ERLEC1: variants seen among roughly 807,000 people sequenced by gnomAD.
ERLEC1 encodes endoplasmic reticulum lectin 1.
In ERLEC1, 47 loss-of-function variants were observed where a neutral mutation model predicts 68.0. That is an observed-to-expected ratio of 0.69 (90% CI 0.55 to 0.88). The LOEUF (loss-of-function observed/expected upper bound fraction) is 0.88, where lower values mean the gene tolerates loss of function less well. Ranked by LOEUF, ERLEC1 falls within the 40% of genes least tolerant of loss-of-function variation. The pLI, the probability that ERLEC1 is intolerant of heterozygous loss-of-function variation, is 0.00. For missense variants in ERLEC1, 567 were observed against 583.8 expected, an observed-to-expected ratio of 0.97 and a Z score of 0.30; for synonymous variants, 225 against 203.2, an observed-to-expected ratio of 1.11 and a Z score of -0.91.
At position 53,817,997 on chromosome 2, in the gene ERLEC1, G is replaced by C; in HGVS notation, c.*28G>C. The stretch of plus-strand genomic sequence containing the variant: ...GATATTAAAGTTAGGGGAAAGAAAA[G>C]ATCATTGAAAGTCATGATAATTTCT... On this transcript the variant is annotated 3_prime_UTR_variant, in exon 14 of 14. Coordinates refer to ENST00000185150, the MANE Select transcript of ERLEC1 (RefSeq NM_015701.5). 7.5e-7 allele frequency: 1 copy of C among 1,336,148 alleles called. No individual in the cohort carries two copies. Among genetic ancestry groups the C allele is most frequent in the Non-Finnish European group, 1.1e-6 (1 of 927,326 alleles). The allele number at this position is 1,336,148 out of a possible 1,614,324, so 82.8% of individuals were successfully genotyped here.
intron 5 of ERLEC1, among the ~76,000 whole-genome samples, chr2:53,798,813 T>A (rs902871976): frequency 1.3e-5 from 2 of 152,054 alleles, no homozygotes; most frequent in Admixed American, 6.6e-5. Context: ...AAGAAAATTG[T>A]TGTGGCCAGT....
At position 53,801,630 on chromosome 2, in the gene ERLEC1, G is replaced by A. The variant is rs1284155632; in HGVS notation, c.749+10G>A. 5 of 1,612,098 alleles carry A rather than the reference G, an allele frequency of 3.1e-6. No individual in the cohort carries two copies. In the Admixed American group the frequency reaches 6.7e-5, roughly 22 times the overall value. The stretch of plus-strand genomic sequence containing the variant: ...GTCATCCTAAATATAGGTAGGATGT[G>A]CATTTAATATTTTAAACATAAAATG... On this transcript the variant is annotated intron_variant, in intron 7 of 13. Transcript: ENST00000185150.
intron 1 of ERLEC1, among the ~76,000 whole-genome samples, chr2:53,789,668 T>C (rs1238722141): frequency 6.6e-6 from 1 of 152,080 alleles, no homozygotes; most frequent in African/African-American, 2.4e-5. Flanking sequence ...GTCATTATCA[T>C]TGGTCTTTTG....
At position 53,787,218 on chromosome 2, in the gene ERLEC1, A is replaced by AAGG. The variant is rs1175701619; in HGVS notation, c.12_14dup (p.Gly7dup). 1 of 1,589,626 alleles carries AAGG rather than the reference A, an allele frequency of 6.3e-7. No individual in the cohort carries two copies. The highest frequency in any genetic ancestry group is 1.7e-5 in the Admixed American group (1 of 59,380). Reference sequence around the variant, plus strand: ...AGAAAGCGGCGGCGGAGGATGGAGGAAGGAGGCGGCGGCGTACGGAGTCTG... The same window carrying AAGG: ...AGAAAGCGGCGGCGGAGGATGGAGGAAGGAGGAGGCGGCGGCGTACGGAGTCTG... On this transcript the variant is annotated inframe_insertion, in exon 1 of 14. Coordinates refer to ENST00000185150, the MANE Select transcript of ERLEC1 (RefSeq NM_015701.5).
At position 53,787,164 on chromosome 2, in the gene ERLEC1, G is replaced by A. The variant is rs1251553102; in HGVS notation, c.-47G>A. 2.0e-6 allele frequency: 3 copies of A among 1,526,756 alleles called. No homozygotes were observed. The highest frequency in any genetic ancestry group is 2.6e-6 in the Non-Finnish European group (3 of 1,137,510). 94.6% of individuals were successfully genotyped at this position (1,526,756 alleles called of 1,614,324 possible). On this transcript the variant is annotated 5_prime_UTR_variant, in exon 1 of 14. Coordinates refer to ENST00000185150, the MANE Select transcript of ERLEC1 (RefSeq NM_015701.5). ...CTCCTCCTCCTCCTCCTCTCCTCCT[G>A]GAGCAGAGGAGGTTGTGGCGGTGGC... is the stretch of plus-strand genomic sequence containing the variant.
rs138286012 is a variant in ERLEC1 at position 53,789,060 on chromosome 2, G to C, written c.162+1688G>C. ...CCATTTTCTTTCAGTCTTAGCATTT[G>C]CTACACCAACTTTTCACGTATCTAA... On this transcript the variant is annotated intron_variant, in intron 1 of 13. Transcript: ENST00000185150. 7.2e-5 allele frequency among the ~76,000 whole-genome samples: 11 copies of C among 152,044 alleles called. 1 individual carries two copies. Among genetic ancestry groups the C allele is most frequent in the African/African-American group, 2.4e-4 (10 of 41,442 alleles).
chr2:53,816,035 G>T (rs1448468868), intron 13 of ERLEC1, among the ~76,000 whole-genome samples: 1 of 151,304 alleles, frequency 6.6e-6, no homozygotes, highest in African/African-American at 2.4e-5. Context: ...TCACCATATT[G>T]GCCATGCTGG....
Position 53,797,799 on chromosome 2 carries a change from G to C in ERLEC1, c.490+4G>C. 2 of 1,609,302 alleles carry C rather than the reference G, an allele frequency of 1.2e-6. No homozygotes were observed. Among genetic ancestry groups the C allele is most frequent in the Non-Finnish European group, 1.7e-6 (2 of 1,176,696 alleles). On this transcript the variant is annotated splice_donor_region_variant and intron_variant, in intron 5 of 13. Coordinates refer to ENST00000185150, the MANE Select transcript of ERLEC1 (RefSeq NM_015701.5). ...AAGAACCTTCTATTTGAAAAAGGTT[G>C]GTGTCTACCCAGTGATTTGACAGTA...
Position 53,787,190 on chromosome 2 carries a change from T to G in ERLEC1, c.-21T>G, listed in dbSNP as rs1308603103. ...GAGCAGAGGAGGTTGTGGCGGTGGC[T>G]GGAGAAAGCGGCGGCGGAGGATGGA... On this transcript the variant is annotated 5_prime_UTR_variant, in exon 1 of 14. Coordinates refer to ENST00000185150, the MANE Select transcript of ERLEC1 (RefSeq NM_015701.5). The G allele has an allele frequency of 7.0e-7, 1 of 1,435,930 alleles. No individual in the cohort carries two copies. Among genetic ancestry groups the G allele is most frequent in the Admixed American group, 1.8e-5 (1 of 54,674 alleles). The allele number at this position is 1,435,930 out of a possible 1,614,324, so 88.9% of individuals were successfully genotyped here.
intron 5 of ERLEC1, among the ~76,000 whole-genome samples, chr2:53,798,309 C>T (rs968148393): frequency 2.0e-5 from 3 of 151,640 alleles, no homozygotes; most frequent in Non-Finnish European, 2.9e-5. Context: ...TCACCCAGGC[C>T]GGAGTGCGGT....
intron 13 of ERLEC1, among the ~76,000 whole-genome samples, chr2:53,817,335 A>G (rs111645411): frequency 0.057 from 8,699 of 151,944 alleles, 451 homozygotes; most frequent in East Asian, 0.28. Context: ...GGGTTTCACT[A>G]TGTTAGCCAG....
At chr2:53,789,831 C>A (rs1172820536) in intron 1 of ERLEC1, among the ~76,000 whole-genome samples, 2 of 151,948 alleles carry the variant, frequency 1.3e-5, no homozygotes, top group Non-Finnish European at 2.9e-5. Context: ...CTAGCCTAGG[C>A]AACATGGCGA....
At chr2:53,792,216 C>CTT (rs535494639) in intron 1 of ERLEC1, among the ~76,000 whole-genome samples, 5 of 138,168 alleles carry the variant, frequency 3.6e-5, no homozygotes, top group African/African-American at 5.3e-5. Context: ...CGCGCCAGGC[C>CTT]TTTTTTTTTT....
intron 1 of ERLEC1, among the ~76,000 whole-genome samples, chr2:53,788,194 A>AT (rs1353025345): frequency 1.3e-5 from 2 of 152,242 alleles, no homozygotes; most frequent in Non-Finnish European, 2.9e-5. Context: ...AAAAAGCAAA[A>AT]TTTTTTTAAA....
At chr2:53,814,985 AT>A (rs747443760) in intron 13 of ERLEC1, 50 bp downstream of exon 13, 10,039 of 966,994 alleles carry the variant, frequency 0.01, 77 homozygotes, top group Non-Finnish European at 0.012. Context: ...CCATGTTTTA[AT>A]TTTTTTTTCT....
chr2:53,787,810 T>G (rs1236110230), intron 1 of ERLEC1, among the ~76,000 whole-genome samples: 1 of 152,222 alleles, frequency 6.6e-6, no homozygotes, highest in Non-Finnish European at 1.5e-5. Context: ...TCTCTCGTAT[T>G]CGTTCTCCCT....
At chr2:53,792,099 A>G (rs1425676352) in intron 1 of ERLEC1, among the ~76,000 whole-genome samples, 1 of 151,846 alleles carries the variant, frequency 6.6e-6, no homozygotes. Context: ...TATTTTTAGT[A>G]GAGACAGGGT....
intron 10 of ERLEC1, 140 bp downstream of exon 10, chr2:53,809,413 A>C (rs1032052019): frequency 4.7e-6 from 3 of 634,682 alleles, no homozygotes; most frequent in Admixed American, 3.9e-5. Context: ...AGTATCTCCA[A>C]ATTTTGGAAA....
intron 10 of ERLEC1, among the ~76,000 whole-genome samples, chr2:53,809,831 G>A (rs547585161): frequency 3.9e-5 from 6 of 152,206 alleles, no homozygotes; most frequent in African/African-American, 1.2e-4. Context: ...CAAGGTGGGC[G>A]GATCACCTGA....
Sources: allele counts gnomAD v4.1 joint callset (sites outside exome capture counted in the v4.1 genomes callset), GRCh38; gene constraint gnomAD v4.1.1; transcripts MANE v1.5; gene names NCBI Gene and HGNC (gene_info 2026-07-23, HGNC 2026-07-21).